The following MAF variants were observed in gnomAD, a reference collection of about 807,000 sequenced individuals.
The protein encoded by MAF is MAF bZIP transcription factor, also known as transcription factor Maf.
MAF carries 10 observed loss-of-function variants against 22.0 expected under a neutral mutation model. That is an observed-to-expected ratio of 0.45 (90% CI 0.28 to 0.77). MAF has a LOEUF of 0.77. Ranked by LOEUF, MAF falls within the 30% of genes least tolerant of loss-of-function variation. MAF has a pLI of 0.12. For synonymous variants in MAF, 337 were observed against 255.8 expected (o/e 1.32, Z -3.03); for missense variants, 544 against 548.4 (o/e 0.99, Z 0.08).
the MAF span, among the ~76,000 whole-genome samples, chr16:79,560,934 G>A: frequency 6.6e-6 from 1 of 152,174 alleles, no homozygotes; most frequent in Non-Finnish European, 1.5e-5. Context: ...AGGTCTTTTT[G>A]GTTCTCAACT....
At chr16:79,320,569 T>C in the MAF span, among the ~76,000 whole-genome samples, 1 of 152,196 alleles carries the variant, frequency 6.6e-6, no homozygotes, top group Admixed American at 6.5e-5. Context: ...TTATGCAACG[T>C]TGTCTCTCGA....
the MAF span, among the ~76,000 whole-genome samples, chr16:79,489,854 A>T: frequency 6.6e-6 from 1 of 151,848 alleles, no homozygotes; most frequent in African/African-American, 2.4e-5. Flanking sequence ...TCTAACGGTG[A>T]CTCTGGGCAG....
the MAF span, among the ~76,000 whole-genome samples, chr16:79,501,359 A>G: frequency 6.6e-6 from 1 of 152,100 alleles, no homozygotes; most frequent in Non-Finnish European, 1.5e-5. Context: ...ACCTTAATTA[A>G]TTACATCTGC....
chr16:79,267,339 C>T, the MAF span, among the ~76,000 whole-genome samples: 1 of 152,172 alleles, frequency 6.6e-6, no homozygotes, highest in East Asian at 1.9e-4. Flanking sequence ...CACGTGGTTA[C>T]TGCTCAGGAC....
chr16:79,221,078 T>C, the MAF span, among the ~76,000 whole-genome samples: 1 of 152,264 alleles, frequency 6.6e-6, no homozygotes, highest in Non-Finnish European at 1.5e-5. Context: ...AGCCTTTTGA[T>C]AGTGTTCATT....
At chr16:79,471,768 G>C in the MAF span, among the ~76,000 whole-genome samples, 1 of 152,158 alleles carries the variant, frequency 6.6e-6, no homozygotes, top group South Asian at 2.1e-4. Flanking sequence ...CTGATAAGTG[G>C]TCATGTCAGG....
At chr16:79,432,815 T>C in the MAF span, among the ~76,000 whole-genome samples, 160 of 152,166 alleles carry the variant, frequency 1.1e-3, 1 homozygote, top group African/African-American at 3.5e-3. Context: ...CCAAGTAATA[T>C]CAAAGATGGC....
At chr16:79,472,326 T>G in the MAF span, among the ~76,000 whole-genome samples, 1 of 152,188 alleles carries the variant, frequency 6.6e-6, no homozygotes, top group African/African-American at 2.4e-5. Context: ...GTGAATTCAC[T>G]CATAAAGACA....
the MAF span, among the ~76,000 whole-genome samples, chr16:79,305,611 G>A: frequency 2.0e-5 from 3 of 152,298 alleles, no homozygotes; most frequent in Middle Eastern, 3.4e-3. Flanking sequence ...CCCTCCTGGT[G>A]CACCAGAGAG....
At chr16:79,542,718 G>T in the MAF span, among the ~76,000 whole-genome samples, 1 of 152,162 alleles carries the variant, frequency 6.6e-6, no homozygotes, top group African/African-American at 2.4e-5. Flanking sequence ...TCCTGGACTG[G>T]GAGGGGTTAG....
At chr16:79,483,027 C>T in the MAF span, among the ~76,000 whole-genome samples, 1 of 7,418 alleles carries the variant, frequency 1.3e-4, no homozygotes, top group Non-Finnish European at 2.9e-4. Context: ...TCTCTTCCCT[C>T]CCCTCCCTCC....
the MAF span, among the ~76,000 whole-genome samples, chr16:79,213,601 C>T: frequency 1.3e-5 from 2 of 152,266 alleles, no homozygotes; most frequent in African/African-American, 2.4e-5. Flanking sequence ...CTTTGGAACC[C>T]TGCAACTTCC....
chr16:79,212,284 AG>A, the MAF span: 5 of 1,134,118 alleles, frequency 4.4e-6, no homozygotes, highest in East Asian at 1.0e-4. Flanking sequence ...ACCAAGACTG[AG>A]CCAGCTTAGC....
the MAF span, among the ~76,000 whole-genome samples, chr16:79,309,658 C>T: frequency 6.6e-6 from 1 of 152,180 alleles, no homozygotes; most frequent in East Asian, 1.9e-4. Flanking sequence ...GAGTCCCCAT[C>T]CACAGAGGGA....
At chr16:79,238,421 C>T in the MAF span, among the ~76,000 whole-genome samples, 32 of 152,044 alleles carry the variant, frequency 2.1e-4, no homozygotes, top group African/African-American at 7.7e-4. Flanking sequence ...TATTTGGGTA[C>T]ATAGTTCATT....
At chr16:79,223,369 A>T in the MAF span, among the ~76,000 whole-genome samples, 4 of 152,162 alleles carry the variant, frequency 2.6e-5, no homozygotes, top group Non-Finnish European at 5.9e-5. Context: ...ACCAGTGTGT[A>T]GAGGGAAATT....
the MAF span, among the ~76,000 whole-genome samples, chr16:79,472,574 A>G: frequency 1.3e-5 from 2 of 152,184 alleles, no homozygotes; most frequent in African/African-American, 4.8e-5. Flanking sequence ...AGGCAAATTT[A>G]TACAGACAGG....
At chr16:79,504,689 G>A in the MAF span, among the ~76,000 whole-genome samples, 3,538 of 150,910 alleles carry the variant, frequency 0.023, 123 homozygotes, top group African/African-American at 0.083. Flanking sequence ...GATGGATGAC[G>A]GATAGATGGA....
the MAF span, among the ~76,000 whole-genome samples, chr16:79,228,760 C>A: frequency 1.3e-5 from 2 of 151,758 alleles, no homozygotes; most frequent in Admixed American, 1.3e-4. Context: ...GTAATTTGCT[C>A]AGGAAGACGA....
Sources: gnomAD v4.1 joint callset for allele counts (sites outside exome capture counted in the v4.1 genomes callset) on GRCh38, gnomAD v4.1.1 for gene constraint, MANE v1.5 for transcripts, NCBI Gene and HGNC (gene_info 2026-07-23, HGNC 2026-07-21) for gene names.